Variants in SNTB1 observed in about 807,000 individuals in gnomAD.
The protein encoded by SNTB1 is beta-1-syntrophin.
SNTB1 carries 36 observed loss-of-function variants against 48.9 expected under a neutral mutation model. That is an observed-to-expected ratio of 0.74 (90% CI 0.56 to 0.97). The LOEUF is 0.97. SNTB1 is among the 50% of genes least tolerant of loss of function. The probability of loss-of-function intolerance (pLI) is 0.00; values close to 1 mark genes in which losing one functional copy is unlikely to be tolerated. For synonymous variants in SNTB1, 299 were observed against 294.6 expected (o/e 1.01, Z -0.15); for missense variants, 786 against 703.4 (o/e 1.12, Z -1.33).
intron 1 of SNTB1, among the ~76,000 whole-genome samples, chr8:120,720,771 T>A (rs1408820613): frequency 6.6e-6 from 1 of 152,206 alleles, no homozygotes; most frequent in African/African-American, 2.4e-5. Flanking sequence ...TGCTGCCTAA[T>A]CGTAGTAATC....
chr8:120,667,101 T>C (rs552715547), intron 2 of SNTB1, among the ~76,000 whole-genome samples: 1 of 30,558 alleles, frequency 3.3e-5, no homozygotes, highest in African/African-American at 8.5e-5. Context: ...CTCTCTCTTC[T>C]TTTTTTTTTT....
intron 2 of SNTB1, among the ~76,000 whole-genome samples, chr8:120,649,761 C>G (rs1817377496): frequency 6.6e-6 from 1 of 152,230 alleles, no homozygotes; most frequent in African/African-American, 2.4e-5. Context: ...CGCCCCTCCC[C>G]CAGCCTAGCT....
At chr8:120,782,468 T>C (rs1297443628) in intron 1 of SNTB1, among the ~76,000 whole-genome samples, 1 of 152,134 alleles carries the variant, frequency 6.6e-6, no homozygotes, top group Non-Finnish European at 1.5e-5. Flanking sequence ...AATACAACAT[T>C]TATTGGTTAG....
intron 1 of SNTB1, among the ~76,000 whole-genome samples, chr8:120,757,316 G>T (rs928297128): frequency 6.6e-6 from 1 of 152,128 alleles, no homozygotes; most frequent in Non-Finnish European, 1.5e-5. Flanking sequence ...TGATTAAGGG[G>T]AACTCTGTGG....
chr8:120,583,015 T>A (rs1481270366), intron 3 of SNTB1, among the ~76,000 whole-genome samples: 1 of 152,046 alleles, frequency 6.6e-6, no homozygotes, highest in African/African-American at 2.4e-5. Flanking sequence ...TCATCTATAA[T>A]CCCAGCGATT....
rs909039235 is a variant in SNTB1 at position 120,577,653 on chromosome 8, C to G, written c.997-2428G>C. Among the ~76,000 whole-genome samples, 78 of 152,174 alleles carry G rather than the reference C, an allele frequency of 5.1e-4. 1 individual carries two copies. On this transcript the variant is annotated intron_variant, in intron 3 of 6. Transcript: ENST00000517992. ...TCAGATGCAATCCATTAACTTTGAC[C>G]AGAATCAGTCATTTAAATGTGACAG...
At chr8:120,673,579 C>G (rs1036977975) in intron 2 of SNTB1, among the ~76,000 whole-genome samples, 7 of 152,106 alleles carry the variant, frequency 4.6e-5, no homozygotes, top group East Asian at 1.9e-4. Context: ...GCGTAAGCTG[C>G]TGCACCCAGC....
chr8:120,542,138 T>C, intron 5 of SNTB1, 138 bp from the exon 6 acceptor site: 1 of 600,522 alleles, frequency 1.7e-6, no homozygotes, highest in Non-Finnish European at 2.8e-6. Context: ...ATAGTCATTG[T>C]TCATGAAAAT....
chr8:120,639,635 A>T (rs570312395), intron 2 of SNTB1, among the ~76,000 whole-genome samples: 15 of 152,332 alleles, frequency 9.8e-5, no homozygotes, highest in African/African-American at 3.4e-4. Flanking sequence ...TTAAATAGGG[A>T]ATCCTTTCCC....
chr8:120,608,521 C>A (rs1244484107), intron 3 of SNTB1, among the ~76,000 whole-genome samples: 1 of 152,178 alleles, frequency 6.6e-6, no homozygotes. Context: ...GAGAAGACGG[C>A]CATCTACAAG....
chr8:120,767,454 AC>A (rs923347280), intron 1 of SNTB1, among the ~76,000 whole-genome samples: 24 of 152,186 alleles, frequency 1.6e-4, no homozygotes, highest in Non-Finnish European at 7.3e-5. Context: ...AACACAAAGA[AC>A]TTGCAAGTTA....
At chr8:120,744,858 T>C (rs1819099720) in intron 1 of SNTB1, among the ~76,000 whole-genome samples, 1 of 152,196 alleles carries the variant, frequency 6.6e-6, no homozygotes, top group African/African-American at 2.4e-5. Flanking sequence ...TGAAATAATA[T>C]AATACCATAA....
At chr8:120,673,911 C>T (rs1817794285) in intron 2 of SNTB1, among the ~76,000 whole-genome samples, 1 of 152,146 alleles carries the variant, frequency 6.6e-6, no homozygotes, top group East Asian at 1.9e-4. Context: ...AATCTTAAAG[C>T]TATGCAACTC....
chr8:120,630,207 G>A (rs12681993), intron 3 of SNTB1, among the ~76,000 whole-genome samples: 76 of 152,256 alleles, frequency 5.0e-4, no homozygotes, highest in East Asian at 4.1e-3. Context: ...GAGTGCATCC[G>A]TGGGGCTTCT....
chr8:120,697,383 G>A lies in SNTB1; in HGVS notation c.572-3475C>T, dbSNP rs370611717. Among the ~76,000 whole-genome samples the A allele has an allele frequency of 7.9e-5, 12 of 152,218 alleles. No individual in the cohort carries two copies. In the East Asian group the frequency reaches 1.9e-3, roughly 24 times the overall value. On this transcript the variant is annotated intron_variant, in intron 1 of 6. Transcript: ENST00000517992. ...GATAATTTTAAAATTTCACTCATTCGGTCAAAACTTATCAGTCAATTTTCA... is the reference window on the plus strand; with the variant it reads ...GATAATTTTAAAATTTCACTCATTCAGTCAAAACTTATCAGTCAATTTTCA...
intron 2 of SNTB1, among the ~76,000 whole-genome samples, chr8:120,641,264 T>C (rs754393441): frequency 6.6e-6 from 1 of 152,248 alleles, no homozygotes; most frequent in Non-Finnish European, 1.5e-5. Context: ...AGCTTGCTTT[T>C]CTTTCCTTTC....
At chr8:120,694,741 A>AT (rs1162967229) in intron 1 of SNTB1, among the ~76,000 whole-genome samples, 7 of 152,020 alleles carry the variant, frequency 4.6e-5, no homozygotes, top group Non-Finnish European at 7.4e-5. Flanking sequence ...GCCTACAATT[A>AT]TTTCTGGGTA....
chr8:120,729,226 C>T (rs531930981), intron 1 of SNTB1, among the ~76,000 whole-genome samples: 2 of 152,246 alleles, frequency 1.3e-5, no homozygotes, highest in South Asian at 2.1e-4. Flanking sequence ...TCAAGTGATC[C>T]GCCCACCTTG....
Position 120,541,919 on chromosome 8 carries a change from C to G in SNTB1, c.1415G>C (p.Gly472Ala). Residue 472 changes from glycine to alanine, a missense_variant, in exon 6 of 7, where the codon GGT becomes GCT. Transcript: ENST00000517992. ...CTGTATGATGGTCTTGGGAAAGGCA[C>G]CCTCCTGTGGTTCAGTGGTAATAGA... ...GFSITTEPQE[G>A]AFPKTIIQSP... 6.2e-7 allele frequency: 1 copy of G among 1,613,934 alleles called. No individual in the cohort carries two copies. The highest frequency in any genetic ancestry group is 8.5e-7 in the Non-Finnish European group (1 of 1,179,896).
Sources: allele counts gnomAD v4.1 joint callset (sites outside exome capture counted in the v4.1 genomes callset), GRCh38; gene constraint gnomAD v4.1.1; transcripts MANE v1.5; gene names NCBI Gene and HGNC (gene_info 2026-07-23, HGNC 2026-07-21).